COQ3: variants seen among roughly 807,000 people sequenced by gnomAD.
COQ3 encodes the protein coenzyme Q3, methyltransferase, also known as ubiquinone biosynthesis O-methyltransferase, mitochondrial.
COQ3 carries 29 observed loss-of-function variants against 33.1 expected under a neutral mutation model. The ratio of observed to expected loss-of-function variants is 0.88; its 90% CI spans 0.65 to 1.19. COQ3 has a LOEUF of 1.19. COQ3 is among the 50% of genes most tolerant of loss of function. The pLI, the probability that COQ3 is intolerant of heterozygous loss-of-function variation, is 0.00. For missense variants in COQ3, 437 were observed against 430.7 expected (o/e 1.01, Z -0.13); for synonymous variants, 173 against 157.8 (o/e 1.10, Z -0.72).
At chr6:99,386,054 T>C (rs1236627065) in intron 1 of COQ3, among the ~76,000 whole-genome samples, 1 of 147,194 alleles carries the variant, frequency 6.8e-6, no homozygotes, top group Non-Finnish European at 1.5e-5. Flanking sequence ...ATCAACAATC[T>C]AAGTTTCGAC....
At chr6:99,380,588 A>G (rs1304221884) in intron 2 of COQ3, among the ~76,000 whole-genome samples, 1 of 152,168 alleles carries the variant, frequency 6.6e-6, no homozygotes, top group Admixed American at 6.5e-5. Flanking sequence ...TATAAAACTT[A>G]GCCTTCTGGG....
chr6:99,385,174 T>A (rs1439024909), intron 1 of COQ3, among the ~76,000 whole-genome samples: 1 of 152,074 alleles, frequency 6.6e-6, no homozygotes, highest in Non-Finnish European at 1.5e-5. Context: ...AGAAATGAAA[T>A]GAGAAATAAA....
chr6:99,375,427 A>G (rs1448068493), intron 5 of COQ3, among the ~76,000 whole-genome samples: 4 of 147,786 alleles, frequency 2.7e-5, no homozygotes, highest in African/African-American at 5.0e-5. Flanking sequence ...TCTGTTGCCC[A>G]GGCTGGAGTG....
intron 5 of COQ3, among the ~76,000 whole-genome samples, chr6:99,372,502 C>T (rs1461676219): frequency 1.3e-5 from 2 of 152,032 alleles, no homozygotes; most frequent in South Asian, 2.1e-4. Flanking sequence ...ACTGCAACCT[C>T]CACCTCCCGG....
At chr6:99,369,995 C>T (rs1230869057) in intron 6 of COQ3, among the ~76,000 whole-genome samples, 175 bp from the exon 7 acceptor site, 1 of 152,150 alleles carries the variant, frequency 6.6e-6, no homozygotes, top group African/African-American at 2.4e-5. Context: ...TAACTATGCA[C>T]TAATCACAAT....
intron 4 of COQ3, 88 bp downstream of exon 4, chr6:99,377,298 T>C (rs1413217343): frequency 9.6e-7 from 1 of 1,045,060 alleles, no homozygotes; most frequent in African/African-American, 1.6e-5. Flanking sequence ...TAATGAATAA[T>C]ATTATTTGTT....
Position 99,372,297 on chromosome 6 carries a change from C to T in COQ3, c.730-710G>A, listed in dbSNP as rs551027770. ...GTGAGTGCCTGTATTCCCAGCTACT[C>T]AGGAGGCTGAGGCAGGAGAATCACT... On this transcript the variant is annotated intron_variant, in intron 5 of 6. Transcript: ENST00000254759. Among the ~76,000 whole-genome samples, 8 of 152,006 alleles carry T rather than the reference C, an allele frequency of 5.3e-5. No homozygotes were observed. The East Asian group carries it at 1.6e-3, about 30-fold the overall frequency.
rs1213807730 is a variant in COQ3, at chr6:99,388,933, A to ACC, written c.107-5111_107-5110dup. Among the ~76,000 whole-genome samples, 272 of 52,424 alleles carry ACC rather than the reference A, an allele frequency of 5.2e-3. 3 individuals are homozygous for ACC. The highest frequency in any genetic ancestry group is 0.051 in the East Asian group (117 of 2,294). The allele number at this position is 52,424 out of a possible 152,430, so 34.4% of individuals were successfully genotyped here. On this transcript the variant is annotated intron_variant, in intron 1 of 6. Coordinates refer to ENST00000254759, the MANE Select transcript of COQ3 (RefSeq NM_017421.4). ...CACACACACACACACACACACACAC[A>ACC]CCCACATCCTCACTCTCTCCCACAA...
chr6:99,377,690 T>C (rs1021150156), intron 3 of COQ3, among the ~76,000 whole-genome samples: 1 of 152,108 alleles, frequency 6.6e-6, no homozygotes, highest in African/African-American at 2.4e-5. Flanking sequence ...TCTGAAATAA[T>C]CTAGTAGTAA....
intron 5 of COQ3, 108 bp downstream of exon 5, chr6:99,375,832 A>G (rs1458171522): frequency 8.3e-7 from 1 of 1,204,556 alleles, no homozygotes; most frequent in Non-Finnish European, 1.2e-6. Flanking sequence ...CTTCTCTACT[A>G]TACCTTGCCT....
chr6:99,393,836 C>T (rs977323247), intron 1 of COQ3, among the ~76,000 whole-genome samples: 11 of 152,212 alleles, frequency 7.2e-5, no homozygotes, highest in Non-Finnish European at 1.0e-4. Context: ...CACAAGAGAC[C>T]CGCGGCCTGC....
intron 5 of COQ3, among the ~76,000 whole-genome samples, chr6:99,372,773 T>C (rs1774181611): frequency 6.6e-6 from 1 of 152,190 alleles, no homozygotes; most frequent in South Asian, 2.1e-4. Context: ...GTCTCACAAA[T>C]GGCAAGGATA....
At chr6:99,389,188 T>C (rs1313673185) in intron 1 of COQ3, among the ~76,000 whole-genome samples, 3 of 152,186 alleles carry the variant, frequency 2.0e-5, no homozygotes, top group African/African-American at 7.2e-5. Context: ...AGAGGCATGA[T>C]CTCAGCTCAC....
At chr6:99,391,075 T>TTTTA (rs60755408) in intron 1 of COQ3, among the ~76,000 whole-genome samples, 47,276 of 138,390 alleles carry the variant, frequency 0.34, 8,101 homozygotes, top group East Asian at 0.49. Context: ...CTTTTGCTCA[T>TTTTA]TTTATTTATT....
chr6:99,374,306 G>GGTAT (rs963348127), intron 5 of COQ3, among the ~76,000 whole-genome samples: 1 of 152,012 alleles, frequency 6.6e-6, no homozygotes, highest in Non-Finnish European at 1.5e-5. Context: ...CCCCTTTCAG[G>GGTAT]GTATGCAAGT....
intron 2 of COQ3, among the ~76,000 whole-genome samples, chr6:99,382,444 CT>C (rs1452949010): frequency 1.3e-5 from 2 of 152,136 alleles, no homozygotes; most frequent in Non-Finnish European, 2.9e-5. Context: ...ATATTCATTA[CT>C]TTTTATTCTT....
chr6:99,381,209 G>A (rs548232756), intron 2 of COQ3, among the ~76,000 whole-genome samples: 1 of 152,192 alleles, frequency 6.6e-6, no homozygotes, highest in South Asian at 2.1e-4. Context: ...CCTTCTAACT[G>A]GTAGCTGATT....
intron 5 of COQ3, among the ~76,000 whole-genome samples, chr6:99,375,206 G>A (rs961678527): frequency 6.6e-6 from 1 of 151,776 alleles, no homozygotes; most frequent in Non-Finnish European, 1.5e-5. Flanking sequence ...AACCTCAGGT[G>A]ATCCACCCGC....
chr6:99,374,463 C>T (rs1774231240), intron 5 of COQ3, among the ~76,000 whole-genome samples: 1 of 152,256 alleles, frequency 6.6e-6, no homozygotes, highest in South Asian at 2.1e-4. Flanking sequence ...ACTATCTTTG[C>T]AATTTTGCTA....
Sources: gnomAD v4.1 joint callset for allele counts (sites outside exome capture counted in the v4.1 genomes callset) on GRCh38, gnomAD v4.1.1 for gene constraint, MANE v1.5 for transcripts, NCBI Gene and HGNC (gene_info 2026-07-23, HGNC 2026-07-21) for gene names.